Variants in OSBPL8 observed in about 807,000 individuals in gnomAD.
OSBPL8 encodes the protein oxysterol-binding protein-related protein 8.
OSBPL8 carries 59 observed loss-of-function variants against 125.5 expected under a neutral mutation model. That is an observed-to-expected ratio of 0.47 (90% CI 0.38 to 0.58). The LOEUF (loss-of-function observed/expected upper bound fraction) is 0.58, where lower values mean the gene tolerates loss of function less well. OSBPL8 is among the 20% of genes least tolerant of loss of function. The pLI, the probability that OSBPL8 is intolerant of heterozygous loss-of-function variation, is 0.00. For missense variants in OSBPL8, 758 were observed against 1,047.8 expected (o/e 0.72, Z 3.82); for synonymous variants, 330 against 338.9 (o/e 0.97, Z 0.29).
chr12:76,430,667 ACTAT>A (rs1870706013), intron 4 of OSBPL8, among the ~76,000 whole-genome samples: 1 of 152,242 alleles, frequency 6.6e-6, no homozygotes, highest in Non-Finnish European at 1.5e-5. Flanking sequence ...ACACTGTAAG[ACTAT>A]CTACAACATT....
intron 2 of OSBPL8, among the ~76,000 whole-genome samples, chr12:76,463,224 T>C (rs1252600501): frequency 6.6e-6 from 1 of 152,152 alleles, no homozygotes; most frequent in Non-Finnish European, 1.5e-5. Context: ...GTTCCAAATA[T>C]ATTTTGAAAA....
chr12:76,435,580 G>C (rs2136615764), intron 4 of OSBPL8, among the ~76,000 whole-genome samples: 1 of 152,264 alleles, frequency 6.6e-6, no homozygotes, highest in African/African-American at 2.4e-5. Flanking sequence ...TGAGGTGATA[G>C]AAATGTTAAG....
intron 3 of OSBPL8, among the ~76,000 whole-genome samples, chr12:76,455,070 T>TA (rs537944417): frequency 0.014 from 1,906 of 136,246 alleles, 22 homozygotes; most frequent in Middle Eastern, 0.045. Flanking sequence ...TCGTCTCCAC[T>TA]AAAAAATACA....
chr12:76,396,679 G>A (rs560145657), intron 8 of OSBPL8, among the ~76,000 whole-genome samples: 58 of 152,174 alleles, frequency 3.8e-4, no homozygotes, highest in African/African-American at 1.2e-3. Context: ...GCTTAAGCAC[G>A]GGAGGTTGAG....
At chr12:76,470,560 T>A (rs1355368454) in intron 2 of OSBPL8, among the ~76,000 whole-genome samples, 1 of 152,240 alleles carries the variant, frequency 6.6e-6, no homozygotes, top group Non-Finnish European at 1.5e-5. Flanking sequence ...CATGCTTATA[T>A]AGAGATATGT....
chr12:76,363,919 C>T (rs1260011296), intron 21 of OSBPL8, among the ~76,000 whole-genome samples: 4 of 152,120 alleles, frequency 2.6e-5, no homozygotes, highest in African/African-American at 7.2e-5. Flanking sequence ...ATCACTGGTC[C>T]TTAGAGCAAT....
intron 1 of OSBPL8, among the ~76,000 whole-genome samples, chr12:76,510,784 G>C (rs1158485132): frequency 6.6e-6 from 1 of 151,978 alleles, no homozygotes; most frequent in East Asian, 1.9e-4. Context: ...GTGAGGCTGA[G>C]GCAGGAGAAT....
At chr12:76,403,435 T>C (rs1317839807) in intron 5 of OSBPL8, among the ~76,000 whole-genome samples, 1 of 152,202 alleles carries the variant, frequency 6.6e-6, no homozygotes, top group Non-Finnish European at 1.5e-5. Flanking sequence ...ATCTCCATTT[T>C]ACAAATCATG....
chr12:76,441,238 A>C (rs1872145920), intron 4 of OSBPL8, among the ~76,000 whole-genome samples: 1 of 152,140 alleles, frequency 6.6e-6, no homozygotes, highest in Admixed American at 6.5e-5. Flanking sequence ...TGAATTCCCC[A>C]GGGGATATTG....
At chr12:76,369,571 T>C in intron 20 of OSBPL8, 66 bp downstream of exon 20, 1 of 1,488,882 alleles carries the variant, frequency 6.7e-7, no homozygotes, top group South Asian at 1.3e-5. Context: ...CAACAAATAT[T>C]CTAGAAATAA....
intron 4 of OSBPL8, among the ~76,000 whole-genome samples, chr12:76,436,609 T>C (rs1400046632): frequency 1.3e-5 from 2 of 152,032 alleles, no homozygotes; most frequent in Non-Finnish European, 2.9e-5. Flanking sequence ...TATAATCTTA[T>C]AATAAAGGAC....
intron 4 of OSBPL8, among the ~76,000 whole-genome samples, chr12:76,449,079 A>C (rs999493802): frequency 6.6e-6 from 1 of 152,212 alleles, no homozygotes; most frequent in Non-Finnish European, 1.5e-5. Context: ...ACTCATTTGA[A>C]AAGTTACTAA....
intron 1 of OSBPL8, among the ~76,000 whole-genome samples, chr12:76,533,285 T>C (rs1693782236): frequency 6.6e-6 from 1 of 152,168 alleles, no homozygotes; most frequent in South Asian, 2.1e-4. Flanking sequence ...GACCAGGTTT[T>C]GATAATAATC....
chr12:76,472,245 T>C (rs1010840450), intron 2 of OSBPL8, among the ~76,000 whole-genome samples: 1 of 152,224 alleles, frequency 6.6e-6, no homozygotes, highest in African/African-American at 2.4e-5. Flanking sequence ...AGATTCTACA[T>C]GTTTAATATA....
intron 9 of OSBPL8, among the ~76,000 whole-genome samples, chr12:76,394,124 T>C (rs892015504): frequency 6.6e-6 from 1 of 152,106 alleles, no homozygotes; most frequent in African/African-American, 2.4e-5. Context: ...CATGAAAGCA[T>C]GAAAGTGAGG....
intron 2 of OSBPL8, among the ~76,000 whole-genome samples, chr12:76,467,264 T>C (rs1419834215): frequency 1.3e-5 from 2 of 152,142 alleles, no homozygotes; most frequent in African/African-American, 2.4e-5. Context: ...GTGCTCAGCT[T>C]CAACTATTTG....
chr12:76,364,581 A>G (rs1952337211), intron 21 of OSBPL8, among the ~76,000 whole-genome samples: 1 of 152,204 alleles, frequency 6.6e-6, no homozygotes, highest in South Asian at 2.1e-4. Flanking sequence ...GCAAACCACC[A>G]TGGCACGTGT....
chr12:76,533,858 C>T (rs1376151259), intron 1 of OSBPL8, among the ~76,000 whole-genome samples: 4 of 152,150 alleles, frequency 2.6e-5, no homozygotes, highest in African/African-American at 4.8e-5. Flanking sequence ...CATCTATAGT[C>T]ATTTCCAGTA....
intron 17 of OSBPL8, among the ~76,000 whole-genome samples, chr12:76,373,892 A>G (rs539831885): frequency 2.6e-4 from 40 of 152,298 alleles, no homozygotes; most frequent in African/African-American, 9.6e-4. Flanking sequence ...CCTCCAAAAA[A>G]TAAAATTAGA....
Sources: gnomAD v4.1 joint callset for allele counts (sites outside exome capture counted in the v4.1 genomes callset) on GRCh38, gnomAD v4.1.1 for gene constraint, MANE v1.5 for transcripts, NCBI Gene and HGNC (gene_info 2026-07-23, HGNC 2026-07-21) for gene names.